The following CMTR1 variants were observed in gnomAD, a reference collection of about 807,000 sequenced individuals.
The protein encoded by CMTR1 is cap methyltransferase 1.
CMTR1 carries 39 observed loss-of-function variants against 107.0 expected under a neutral mutation model. The ratio of observed to expected loss-of-function variants is 0.36; its 90% CI spans 0.28 to 0.48. The LOEUF is 0.48. Ranked by LOEUF, CMTR1 falls within the 20% of genes least tolerant of loss-of-function variation. The probability of loss-of-function intolerance (pLI) is 0.99; values close to 1 mark genes in which losing one functional copy is unlikely to be tolerated. For missense variants in CMTR1, 672 were observed against 1,064.9 expected, an observed-to-expected ratio of 0.63 and a Z score of 5.14; for synonymous variants, 366 against 379.5, an observed-to-expected ratio of 0.96 and a Z score of 0.41.
chr6:37,443,862 A>T, intron 2 of CMTR1, 137 bp from the exon 3 acceptor site: 1 of 930,506 alleles, frequency 1.1e-6, no homozygotes, highest in Non-Finnish European at 1.5e-6. Context: ...TAGAAAATAG[A>T]TTTGACCTTG....
chr6:37,461,814 C>A, intron 11 of CMTR1, 156 bp from the exon 12 acceptor site: 1 of 903,490 alleles, frequency 1.1e-6, no homozygotes, highest in Non-Finnish European at 1.7e-6. Flanking sequence ...CCTCAAAGTC[C>A]CCTCCAAAGA....
rs1196126635 is a variant in CMTR1, at chr6:37,453,081, G to C, written c.644G>C (p.Arg215Pro). The C allele has an allele frequency of 6.2e-7, 1 of 1,613,990 alleles. No homozygotes were observed. Among genetic ancestry groups the C allele is most frequent in the African/African-American group, 1.3e-5 (1 of 74,908 alleles). ...VFDVLDGEEM[R>P]RARTRANPYE... ...GATGTCTTGGATGGGGAAGAGATGC[G>C]GCGAGCTCGGACTCGGGCCAATCCC... The change falls in exon 7 of 24, where the codon CGG (arginine) becomes CCG (proline). Residue 215 changes from arginine to proline, a missense_variant. This residue lies in a region of CMTR1 where 583 missense variants were observed against 968.4 expected (regional missense o/e 0.60). Transcript: ENST00000373451.
chr6:37,427,143 A>G, the CMTR1 span, among the ~76,000 whole-genome samples: 1 of 152,290 alleles, frequency 6.6e-6, no homozygotes, highest in Admixed American at 6.5e-5. This position sits in a 1 kb window ranked among gnomAD's most constrained non-coding sequence, Gnocchi z 4.4. Context: ...TAAGAGCTGA[A>G]ATGAACTAAA....
At chr6:37,428,043 A>C in the CMTR1 span, among the ~76,000 whole-genome samples, 1 of 148,522 alleles carries the variant, frequency 6.7e-6, no homozygotes, top group South Asian at 2.1e-4. Context: ...AGAGAGAGAG[A>C]GAGAGAGAGA....
chr6:37,466,024 T>G (rs909935777), intron 13 of CMTR1, among the ~76,000 whole-genome samples: 3 of 152,078 alleles, frequency 2.0e-5, no homozygotes, highest in Admixed American at 2.0e-4. Context: ...CTTTTATTCC[T>G]TGTGCTTTTG....
At chr6:37,471,000 A>C (rs377177317) in intron 13 of CMTR1, 21 bp from the exon 14 acceptor site, 1 of 1,590,206 alleles carries the variant, frequency 6.3e-7, no homozygotes, top group Non-Finnish European at 8.5e-7. Flanking sequence ...CCTGAGATCA[A>C]ATAATTTTTT....
chr6:37,446,471 A>G (rs1004548578), intron 4 of CMTR1, 22 bp downstream of exon 4: 2 of 1,596,402 alleles, frequency 1.3e-6, no homozygotes, highest in Non-Finnish European at 1.7e-6. Context: ...AGTGAGGAGG[A>G]GATGGAAAAG....
At chr6:37,460,236 C>T (rs370052222) in intron 10 of CMTR1, among the ~76,000 whole-genome samples, 2 of 152,198 alleles carry the variant, frequency 1.3e-5, no homozygotes, top group African/African-American at 4.8e-5. Flanking sequence ...TGAGAAAAGC[C>T]TCTGGGACTC....
At chr6:37,462,539 G>A (rs1019892205) in intron 12 of CMTR1, among the ~76,000 whole-genome samples, 3 of 152,222 alleles carry the variant, frequency 2.0e-5, no homozygotes, top group African/African-American at 7.2e-5. Flanking sequence ...TCCTGGGAGA[G>A]TTTGATTCAT....
chr6:37,465,179 A>AG (rs1761480611), intron 13 of CMTR1, among the ~76,000 whole-genome samples: 1 of 151,934 alleles, frequency 6.6e-6, no homozygotes, highest in Admixed American at 6.6e-5. Flanking sequence ...GAGGCAGGAG[A>AG]ATCGCTTGAA....
intron 1 of CMTR1, among the ~76,000 whole-genome samples, chr6:37,434,087 C>G (rs962821972): frequency 6.6e-6 from 1 of 152,158 alleles, no homozygotes; most frequent in Non-Finnish European, 1.5e-5. Flanking sequence ...CTTCCTTTAT[C>G]TCACCCTGGG....
intron 13 of CMTR1, among the ~76,000 whole-genome samples, chr6:37,463,305 G>A (rs1206320064): frequency 6.6e-6 from 1 of 152,182 alleles, no homozygotes. Flanking sequence ...GTCCCTGGAG[G>A]CAGGAGTAAT....
intron 2 of CMTR1, among the ~76,000 whole-genome samples, chr6:37,439,552 A>G (rs959074304): frequency 1.4e-4 from 22 of 152,224 alleles, no homozygotes; most frequent in Non-Finnish European, 2.9e-4. Context: ...CTGTCAGCCC[A>G]GATTCATGAC....
At chr6:37,442,346 C>A (rs887101375) in intron 2 of CMTR1, among the ~76,000 whole-genome samples, 1 of 152,218 alleles carries the variant, frequency 6.6e-6, no homozygotes, top group African/African-American at 2.4e-5. Flanking sequence ...CCTTAAACTT[C>A]TGAGGCCTGA....
intron 16 of CMTR1, 133 bp from the exon 17 acceptor site, chr6:37,473,337 G>A (rs1761667004): frequency 1.1e-6 from 1 of 904,748 alleles, no homozygotes; most frequent in South Asian, 1.6e-5. Context: ...AGAGAAGGGG[G>A]TGCAGGGGAG....
chr6:37,477,216 C>T lies in CMTR1; in HGVS notation c.2106-376C>T, dbSNP rs142721965. 5.1e-3 allele frequency among the ~76,000 whole-genome samples: 782 copies of T among 152,324 alleles called. 6 individuals carry two copies. The highest frequency in any genetic ancestry group is 0.017 in the African/African-American group (699 of 41,578). On this transcript the variant is annotated intron_variant, in intron 20 of 23. Coordinates refer to ENST00000373451, the MANE Select transcript of CMTR1 (RefSeq NM_015050.3). The stretch of plus-strand genomic sequence containing the variant: ...TAAAATCCATGTGGACAGACCTGGG[C>T]AAGAGCCTACTCCTTTGTTTTCTGC...
At chr6:37,455,160 C>T (rs1045368643) in intron 8 of CMTR1, among the ~76,000 whole-genome samples, 2 of 151,802 alleles carry the variant, frequency 1.3e-5, no homozygotes, top group African/African-American at 4.8e-5. Flanking sequence ...TCTCAGCTCA[C>T]CTCAACCTCC....
chr6:37,448,844 A>G (rs953255675), intron 4 of CMTR1, among the ~76,000 whole-genome samples: 3 of 152,222 alleles, frequency 2.0e-5, no homozygotes, highest in Non-Finnish European at 2.9e-5. Context: ...GCACAGTAGA[A>G]TCATCTGGGG....
At chr6:37,463,049 C>T in intron 13 of CMTR1, 41 bp downstream of exon 13, 1 of 1,582,394 alleles carries the variant, frequency 6.3e-7, no homozygotes, top group Non-Finnish European at 8.7e-7. Flanking sequence ...CACTGAGGTC[C>T]TAAGGAAGAC....
Sources: allele counts gnomAD v4.1 joint callset (sites outside exome capture counted in the v4.1 genomes callset), GRCh38; gene constraint gnomAD v4.1.1; regional missense constraint gnomAD v4.1.1; non-coding constraint Gnocchi (gnomAD v3.1); transcripts MANE v1.5; gene names NCBI Gene and HGNC (gene_info 2026-07-23, HGNC 2026-07-21).